The following SLC2A13 variants were observed in gnomAD, a reference collection of about 807,000 sequenced individuals.
SLC2A13 encodes proton myo-inositol cotransporter.
A neutral mutation model predicts 64.4 loss-of-function variants in SLC2A13; 32 were observed. The observed-to-expected ratio is 0.50, with a 90% confidence interval of 0.37 to 0.67. SLC2A13 has a LOEUF of 0.67. SLC2A13 is among the 30% of genes least tolerant of loss of function. The pLI is 0.00. For synonymous variants in SLC2A13, 338 were observed against 327.1 expected, an observed-to-expected ratio of 1.03 and a Z score of -0.36; for missense variants, 743 against 829.2, an observed-to-expected ratio of 0.90 and a Z score of 1.28.
At chr12:40,092,188 C>G (rs920959406) in intron 1 of SLC2A13, among the ~76,000 whole-genome samples, 1 of 152,172 alleles carries the variant, frequency 6.6e-6, no homozygotes, top group African/African-American at 2.4e-5. Context: ...AAAACTAGAA[C>G]AGTAAACCAG....
chr12:39,876,300 AG>A (rs1944182691), intron 4 of SLC2A13, among the ~76,000 whole-genome samples: 1 of 152,238 alleles, frequency 6.6e-6, no homozygotes, highest in African/African-American at 2.4e-5. Flanking sequence ...TGGAAATGAC[AG>A]TCTATCCTAA....
chr12:40,043,256 AT>A (rs1948122682), intron 2 of SLC2A13, among the ~76,000 whole-genome samples: 1 of 152,142 alleles, frequency 6.6e-6, no homozygotes, highest in Non-Finnish European at 1.5e-5. Flanking sequence ...TAACTAAGCA[AT>A]TTTCAAAAAA....
At chr12:39,968,030 G>A (rs753315697) in intron 3 of SLC2A13, among the ~76,000 whole-genome samples, 5 of 152,104 alleles carry the variant, frequency 3.3e-5, no homozygotes, top group African/African-American at 9.7e-5. Flanking sequence ...GAAGCCATCT[G>A]ATACAAATTC....
At chr12:39,874,571 C>T (rs1488968500) in intron 4 of SLC2A13, among the ~76,000 whole-genome samples, 4 of 143,136 alleles carry the variant, frequency 2.8e-5, no homozygotes, top group African/African-American at 7.8e-5. Flanking sequence ...GCCAAGATCA[C>T]ACCATTGCAC....
chr12:40,097,617 A>C (rs1346509559), intron 1 of SLC2A13, among the ~76,000 whole-genome samples: 1 of 152,210 alleles, frequency 6.6e-6, no homozygotes, highest in Non-Finnish European at 1.5e-5. Flanking sequence ...GTGGCCAACA[A>C]GCCTATGAAA....
chr12:40,091,409 TA>T (rs1455681266), intron 1 of SLC2A13, among the ~76,000 whole-genome samples: 1 of 152,222 alleles, frequency 6.6e-6, no homozygotes, highest in African/African-American at 2.4e-5. Context: ...TTCTACAGGA[TA>T]AGGAGGAAAT....
chr12:40,064,341 T>C (rs1286564568), intron 1 of SLC2A13, among the ~76,000 whole-genome samples: 1 of 152,096 alleles, frequency 6.6e-6, no homozygotes, highest in Non-Finnish European at 1.5e-5. Flanking sequence ...AATCCATTTG[T>C]CACAAGAAAG....
chr12:39,981,495 T>C (rs1206417902), intron 3 of SLC2A13, among the ~76,000 whole-genome samples: 3 of 148,934 alleles, frequency 2.0e-5, no homozygotes, highest in Middle Eastern at 3.5e-3. Context: ...AAAGGGGATA[T>C]CACCACCGAT....
chr12:40,021,454 ATT>A (rs1947716462), intron 3 of SLC2A13, among the ~76,000 whole-genome samples: 1 of 152,218 alleles, frequency 6.6e-6, no homozygotes, highest in African/African-American at 2.4e-5. Flanking sequence ...AGAGTTGTGT[ATT>A]GTTTTAATAG....
chr12:39,902,122 C>T (rs1262756071), intron 4 of SLC2A13, among the ~76,000 whole-genome samples: 8 of 145,104 alleles, frequency 5.5e-5, no homozygotes, highest in Non-Finnish European at 8.9e-5. Flanking sequence ...TGTTCTCACT[C>T]ATAGGTGGGA....
chr12:39,925,442 A>G (rs1945709197), intron 4 of SLC2A13, among the ~76,000 whole-genome samples: 1 of 152,180 alleles, frequency 6.6e-6, no homozygotes, highest in Admixed American at 6.6e-5. Context: ...TTTCACCACT[A>G]AAATCATTAT....
At chr12:39,967,269 A>G (rs1946536163) in intron 3 of SLC2A13, among the ~76,000 whole-genome samples, 2 of 152,204 alleles carry the variant, frequency 1.3e-5, no homozygotes, top group Non-Finnish European at 1.5e-5. Flanking sequence ...CTAGCATTAT[A>G]TTCATTAGCA....
chr12:39,980,911 C>A (rs774704495), intron 3 of SLC2A13, among the ~76,000 whole-genome samples: 218 of 151,640 alleles, frequency 1.4e-3, no homozygotes, highest in Non-Finnish European at 1.9e-3. Flanking sequence ...CAAAATTGAC[C>A]ACATAGTTGG....
At chr12:39,892,695 A>T (rs1944643917) in intron 4 of SLC2A13, among the ~76,000 whole-genome samples, 2 of 152,226 alleles carry the variant, frequency 1.3e-5, no homozygotes. Context: ...CAATTAATAC[A>T]GTACTAGTCA....
intron 7 of SLC2A13, among the ~76,000 whole-genome samples, chr12:39,818,750 A>G (rs1352246126): frequency 1.3e-5 from 2 of 152,172 alleles, no homozygotes; most frequent in Non-Finnish European, 2.9e-5. Context: ...GGCAGAATAA[A>G]TGTAGATGTT....
chr12:39,920,630 A>T (rs985930167), intron 4 of SLC2A13, among the ~76,000 whole-genome samples: 1 of 152,070 alleles, frequency 6.6e-6, no homozygotes, highest in Admixed American at 6.6e-5. Flanking sequence ...GTGAAGTCCG[A>T]TGCTGAATCC....
chr12:40,093,046 T>TC (rs138309590), intron 1 of SLC2A13, among the ~76,000 whole-genome samples: 4,021 of 152,292 alleles, frequency 0.026, 185 homozygotes, highest in African/African-American at 0.09. Flanking sequence ...GTGTAATTAC[T>TC]CCAAGTTCAT....
chr12:39,972,020 TTTTATATAA>T (rs1565569216), intron 3 of SLC2A13, among the ~76,000 whole-genome samples: 1 of 58,490 alleles, frequency 1.7e-5, no homozygotes, highest in African/African-American at 9.2e-5. Flanking sequence ...ATATATTTTT[TTTTATATAA>T]ATATATATAT....
intron 4 of SLC2A13, chr12:39,951,019 G>T (rs1040891024): frequency 2.4e-6 from 1 of 418,262 alleles, no homozygotes; most frequent in Non-Finnish European, 4.2e-6. Context: ...GCGTAAAAGA[G>T]AAATTTTATG....
Sources: gnomAD v4.1 joint callset for allele counts (sites outside exome capture counted in the v4.1 genomes callset) on GRCh38, gnomAD v4.1.1 for gene constraint, MANE v1.5 for transcripts, NCBI Gene and HGNC (gene_info 2026-07-23, HGNC 2026-07-21) for gene names.